Variants in TNRC6B observed in about 807,000 individuals in gnomAD.
TNRC6B encodes trinucleotide repeat-containing gene 6B protein.
A neutral mutation model predicts 203.6 loss-of-function variants in TNRC6B; 52 were observed. The observed-to-expected ratio is 0.26, with a 90% CI of 0.20 to 0.32. The LOEUF is 0.32. Among genes scored for constraint, TNRC6B ranks in the 10% least tolerant of loss-of-function variants. The pLI is 1.00. For missense variants in TNRC6B, 1,923 were observed against 2,286.2 expected (o/e 0.84, Z 3.24); for synonymous variants, 838 against 845.7 (o/e 0.99, Z 0.16).
In TNRC6B at chr22:40,292,927, C is replaced by T. The variant is rs556846776; in HGVS notation, c.3708+7157C>T. 1.7e-3 allele frequency among the ~76,000 whole-genome samples: 264 copies of T among 152,302 alleles called. 1 individual carries two copies. The highest frequency in any genetic ancestry group is 2.9e-3 in the Non-Finnish European group (194 of 68,020). ...ATTCTTTCTGCATGTGTCTCTCTGT[C>T]TTTAAACAATCTGTTGTTTTCATTT... On this transcript the variant is annotated intron_variant, in intron 12 of 22. Transcript: ENST00000454349.
chr22:40,162,886 T>C (rs1369007334), intron 4 of TNRC6B, among the ~76,000 whole-genome samples: 2 of 152,200 alleles, frequency 1.3e-5, no homozygotes, highest in African/African-American at 4.8e-5. Flanking sequence ...TGATAGTTTA[T>C]ACTCATGGAA....
chr22:40,120,418 T>G (rs1601825127), intron 2 of TNRC6B, among the ~76,000 whole-genome samples: 1 of 150,400 alleles, frequency 6.6e-6, no homozygotes, highest in African/African-American at 2.5e-5. Flanking sequence ...TCCAGTAGGG[T>G]GTGGACTAGG....
chr22:40,193,733 GTGT>G (rs2069301741), intron 1 of TNRC6B, among the ~76,000 whole-genome samples: 1 of 152,168 alleles, frequency 6.6e-6, no homozygotes, highest in South Asian at 2.1e-4. Flanking sequence ...GGAGGGAAGG[GTGT>G]TTGAGGGAGT....
intron 1 of TNRC6B, 41 bp from the exon 2 acceptor site, chr22:40,245,974 A>G (rs537587338): frequency 1.3e-4 from 191 of 1,471,482 alleles, no homozygotes; most frequent in Middle Eastern, 3.5e-4. Context: ...TGGATTGTGA[A>G]TGTAGATGTA....
chr22:40,300,249 A>C (rs972899428), intron 12 of TNRC6B, among the ~76,000 whole-genome samples: 8 of 152,196 alleles, frequency 5.3e-5, no homozygotes, highest in Non-Finnish European at 8.8e-5. Context: ...GTCTAAGAAG[A>C]AAATTTAAAA....
chr22:40,165,186 A>G (rs949729143), intron 4 of TNRC6B, among the ~76,000 whole-genome samples: 1 of 151,312 alleles, frequency 6.6e-6, no homozygotes, highest in Non-Finnish European at 1.5e-5. Context: ...AACCAAAAAA[A>G]TTCTTTTTGA....
chr22:40,309,842 G>A (rs935321708), intron 16 of TNRC6B, among the ~76,000 whole-genome samples: 2 of 152,124 alleles, frequency 1.3e-5, no homozygotes, highest in African/African-American at 4.8e-5. Flanking sequence ...AGCCAGATTT[G>A]TCAGTGGCTC....
At chr22:40,132,963 A>ATATATATATATATAT (rs1555884671) in intron 3 of TNRC6B, among the ~76,000 whole-genome samples, 3 of 80,918 alleles carry the variant, frequency 3.7e-5, no homozygotes, top group Non-Finnish European at 5.3e-5. Flanking sequence ...AAAAAAAAAA[A>ATATATATATATATAT]AAAAAAATAT....
At chr22:40,272,738 T>C (rs1469672808) in intron 6 of TNRC6B, among the ~76,000 whole-genome samples, 1 of 152,228 alleles carries the variant, frequency 6.6e-6, no homozygotes, top group Non-Finnish European at 1.5e-5. Context: ...TCTCTCTGCT[T>C]TCCTTTCTCC....
chr22:40,098,443 G>C lies in TNRC6B; in HGVS notation c.-120-18612G>C, dbSNP rs370006113. Among the ~76,000 whole-genome samples, 128 of 147,986 alleles carry C rather than the reference G, an allele frequency of 8.6e-4. 2 individuals carry two copies. The South Asian group carries it at 0.026, about 30-fold the overall frequency. ...CTATATCAAAGAGATGCATATTTCAGGTTTTGGCAGATGTTGTCATATTGT... is the reference window on the plus strand; with the variant it reads ...CTATATCAAAGAGATGCATATTTCACGTTTTGGCAGATGTTGTCATATTGT... On this transcript the variant is annotated intron_variant, in intron 1 of 23. Transcript: ENST00000301923.
intron 1 of TNRC6B, among the ~76,000 whole-genome samples, chr22:40,239,669 T>A (rs1307818731): frequency 6.6e-6 from 1 of 152,186 alleles, no homozygotes; most frequent in Non-Finnish European, 1.5e-5. Context: ...AGCTCTTAGC[T>A]TTCCCTTTGC....
intron 4 of TNRC6B, among the ~76,000 whole-genome samples, chr22:40,262,521 G>A (rs945527898): frequency 6.6e-6 from 1 of 152,112 alleles, no homozygotes; most frequent in Non-Finnish European, 1.5e-5. Flanking sequence ...GTGCGAAGGC[G>A]AATCTTTAGA....
intron 1 of TNRC6B, among the ~76,000 whole-genome samples, chr22:40,103,309 C>T (rs1276663229): frequency 1.3e-5 from 2 of 151,612 alleles, no homozygotes; most frequent in South Asian, 2.1e-4. Context: ...CATCATCATT[C>T]GCAACCCAGT....
chr22:40,125,752 T>C, intron 2 of TNRC6B: 1 of 1,558,882 alleles, frequency 6.4e-7, no homozygotes, highest in Non-Finnish European at 8.6e-7. Context: ...TACATACTTT[T>C]TTCTTCTCTC....
chr22:40,135,063 G>C lies in TNRC6B; in HGVS notation c.45+9201G>C, dbSNP rs146087970. Among the ~76,000 whole-genome samples, 228 of 152,348 alleles carry C rather than the reference G, an allele frequency of 1.5e-3. 2 individuals carry two copies. The highest frequency in any genetic ancestry group is 5.4e-3 in the African/African-American group (223 of 41,578). The stretch of plus-strand genomic sequence containing the variant: ...AGTTGGTATTGGCTGTCAGCTAGGA[G>C]ACCAACTTGAGGCTGTTGACCCAAG... On this transcript the variant is annotated intron_variant, in intron 3 of 23. Transcript: ENST00000301923.
At chr22:40,110,593 G>A (rs2146312605) in intron 1 of TNRC6B, among the ~76,000 whole-genome samples, 1 of 152,370 alleles carries the variant, frequency 6.6e-6, no homozygotes, top group African/African-American at 2.4e-5. Context: ...GCATAAATTA[G>A]TTGAGCAAGC....
At chr22:40,284,762 C>G (rs924245281) in intron 11 of TNRC6B, among the ~76,000 whole-genome samples, 1 of 152,310 alleles carries the variant, frequency 6.6e-6, no homozygotes, top group African/African-American at 2.4e-5. Context: ...GGATGACCTC[C>G]AAGCTGGGCC....
upstream of TNRC6B, among the ~76,000 whole-genome samples, chr22:40,176,877 T>C (rs2069067188): frequency 6.6e-6 from 1 of 152,040 alleles, no homozygotes; most frequent in Admixed American, 6.6e-5. Flanking sequence ...TGAACAGAAC[T>C]ACTCAAAGAA....
intron 1 of TNRC6B, among the ~76,000 whole-genome samples, chr22:40,100,940 C>T (rs753466575): frequency 1.3e-4 from 20 of 151,536 alleles, no homozygotes; most frequent in Middle Eastern, 3.2e-3. Context: ...AAGACATTCT[C>T]AGCAGGTCCC....
Sources: gnomAD v4.1 joint callset for allele counts (sites outside exome capture counted in the v4.1 genomes callset) on GRCh38, gnomAD v4.1.1 for gene constraint, MANE v1.5 for transcripts, NCBI Gene and HGNC (gene_info 2026-07-23, HGNC 2026-07-21) for gene names.